Variants in PRB4 observed in about 807,000 individuals in gnomAD.
The protein encoded by PRB4 is proline rich protein BstNI subfamily 4.
A neutral mutation model predicts 9.1 loss-of-function variants in PRB4; 14 were observed. That is an observed-to-expected ratio of 1.54 (90% CI 1.02 to 2.41). The LOEUF is 2.41. PRB4 is among the 30% of genes most tolerant of loss of function. The pLI, the probability that PRB4 is intolerant of heterozygous loss-of-function variation, is 0.00. For missense variants in PRB4, 381 were observed against 299.3 expected (o/e 1.27, Z -2.02); for synonymous variants, 102 against 108.5 (o/e 0.94, Z 0.37).
At position 11,308,253 on chromosome 12, in the gene PRB4, G is replaced by C. The variant is rs759960528; in HGVS notation, c.730C>G (p.Gln244Glu). 4 of 1,610,694 alleles carry C rather than the reference G, an allele frequency of 2.5e-6. No homozygotes were observed. The highest frequency in any genetic ancestry group is 3.4e-6 in the Non-Finnish European group (4 of 1,178,638). Residue 244 changes from glutamine to glutamate, a missense_variant, in exon 3 of 4, where the codon CAG becomes GAG. Physicochemically the swap from Gln to Glu is conservative, Grantham distance 29. Around this residue, in one of 3 missense-constraint regions of PRB4, gnomAD observed 204 missense variants for 134.4 expected, o/e 1.52. Coordinates refer to ENST00000279575, the MANE Select transcript of PRB4 (RefSeq NM_002723.6). ...GRPPRPAQGQ[Q>E]PPQ ...TGAATCCTAGATTACTGGGGAGGCT[G>C]TTGTCCCTGGGCAGGTCTGGGTGGC... is the stretch of plus-strand genomic sequence containing the variant.
chr12:11,310,352 G>C lies in PRB4; in HGVS notation c.47C>G (p.Ala16Gly), dbSNP rs372470774. Reference sequence around the variant, plus strand: ...TGTTTTACCTTCACTTGAACTCTCAGCTGAGCTCAGGGCCAGCAGGGCCAC... The same window carrying C: ...TGTTTTACCTTCACTTGAACTCTCACCTGAGCTCAGGGCCAGCAGGGCCAC... The part of the protein sequence containing the change: ...LSVALLALSS[A>G]ESSSEDVSQE... The change falls in exon 1 of 4, where the codon GCT becomes GGT. Residue 16 changes from alanine (A) to glycine (G), a missense_variant. Ala to Gly is a moderately conservative substitution (Grantham distance 60). Coordinates refer to ENST00000279575, the MANE Select transcript of PRB4 (RefSeq NM_002723.6). The C allele has an allele frequency of 2.5e-6, 4 of 1,614,084 alleles. No individual in the cohort carries two copies. In the African/African-American group the frequency reaches 4.0e-5, roughly 16 times the overall value.
chr12:11,310,072 A>C (rs1436191893), intron 1 of PRB4, among the ~76,000 whole-genome samples: 1 of 152,200 alleles, frequency 6.6e-6, no homozygotes. Context: ...TCTCCACTGC[A>C]GCCTTCACAG....
At chr12:11,309,540 A>G in intron 1 of PRB4, 135 bp from the exon 2 acceptor site, 1 of 1,526,122 alleles carries the variant, frequency 6.6e-7, no homozygotes, top group African/African-American at 1.4e-5. Context: ...ACCATCTGTG[A>G]AGGTGCTGGA....
At position 11,307,136 on chromosome 12, in the gene PRB4, C is replaced by G. The variant is rs1007822646; in HGVS notation, c.*82G>C. Reference sequence around the variant, plus strand: ...AAGTTAGAGCTATGATGACCTTGTTCCAATGTCACGGCATTTGTAGCAATT... The same window carrying G: ...AAGTTAGAGCTATGATGACCTTGTTGCAATGTCACGGCATTTGTAGCAATT... On this transcript the variant is annotated 3_prime_UTR_variant, in exon 4 of 4. Transcript: ENST00000279575. 6.5e-6 allele frequency: 1 copy of G among 154,270 alleles called. No individual in the cohort carries two copies. Among genetic ancestry groups the G allele is most frequent in the Non-Finnish European group, 1.5e-5 (1 of 68,032 alleles). 9.6% of individuals were successfully genotyped at this position (154,270 alleles called of 1,614,324 possible).
At chr12:11,309,239 C>T (rs1862997480) in intron 2 of PRB4, 131 bp downstream of exon 2, 1 of 1,481,464 alleles carries the variant, frequency 6.8e-7, no homozygotes, top group Non-Finnish European at 9.3e-7. Context: ...TGAAGATTGC[C>T]TATATCATTA....
At chr12:11,307,555 A>G (rs1862942098) in intron 3 of PRB4, among the ~76,000 whole-genome samples, 1 of 152,236 alleles carries the variant, frequency 6.6e-6, no homozygotes, top group African/African-American at 2.4e-5. Flanking sequence ...GTATTTTTTA[A>G]ATGACTAACA....
At chr12:11,308,937 C>A (rs1402916077) in intron 2 of PRB4, 55 bp from the exon 3 acceptor site, 12 of 1,603,718 alleles carry the variant, frequency 7.5e-6, no homozygotes, top group Non-Finnish European at 1.0e-5. Flanking sequence ...CAAATTTTTA[C>A]AGTAATGGAG....
In PRB4 at chr12:11,310,432, G is replaced by A. The variant is rs1377064505; in HGVS notation, c.-34C>T. The A allele has an allele frequency of 1.2e-6, 2 of 1,613,868 alleles. No homozygotes were observed. The highest frequency in any genetic ancestry group is 2.2e-5 in the East Asian group (1 of 44,876). On this transcript the variant is annotated 5_prime_UTR_variant, in exon 1 of 4. Transcript: ENST00000279575. ...AGGCTCTGGAGTCACTCCCAACTCT[G>A]TGCTGGGAGGAACGTGGCAACTCCC...
At position 11,308,146 on chromosome 12, in the gene PRB4, G is replaced by A. The variant is rs1254967592; in HGVS notation, c.*18+75C>T. Reference sequence around the variant, plus strand: ...GACAATACAATGTCAATGGGTTTTAGTTGATTCATTGGCACAATAAAGTTG... The same window carrying A: ...GACAATACAATGTCAATGGGTTTTAATTGATTCATTGGCACAATAAAGTTG... On this transcript the variant is annotated intron_variant, in intron 3 of 3. Coordinates refer to ENST00000279575, the MANE Select transcript of PRB4 (RefSeq NM_002723.6). 6 of 1,495,934 alleles carry A rather than the reference G, an allele frequency of 4.0e-6. No individual in the cohort carries two copies. In the East Asian group the frequency reaches 1.1e-4, roughly 28 times the overall value. The allele number at this position is 1,495,934 out of a possible 1,614,324, so 92.7% of individuals were successfully genotyped here. A position where few individuals can be genotyped will look rare whatever the true frequency, so the allele number is the denominator to read the frequency against.
Position 11,308,241 on chromosome 12 carries a change from A to G in PRB4, c.742T>C (p.Ter248GlnextTer5), listed in dbSNP as rs760840223. The change falls in exon 3 of 4, where the codon TAA (stop) becomes CAA (glutamine). Residue 248 changes from the stop codon to glutamine, a stop_lost. Transcript: ENST00000279575. ...CATACCTGTCATTGAATCCTAGATT[A>G]CTGGGGAGGCTGTTGTCCCTGGGCA... ...RPAQGQQPPQ[*>Q] The G allele has an allele frequency of 3.1e-6, 5 of 1,610,418 alleles. No individual in the cohort carries two copies. The Admixed American group carries it at 8.4e-5, about 27-fold the overall frequency.
intron 2 of PRB4, 49 bp from the exon 3 acceptor site, chr12:11,308,931 T>G: frequency 6.2e-7 from 1 of 1,607,078 alleles, no homozygotes; most frequent in Non-Finnish European, 8.5e-7. Context: ...TTGCCACAAA[T>G]TTTTACAGTA....
intron 2 of PRB4, 103 bp downstream of exon 2, chr12:11,309,267 C>A: frequency 1.3e-6 from 2 of 1,582,348 alleles, no homozygotes; most frequent in South Asian, 1.1e-5. Flanking sequence ...TAACATTAAT[C>A]AATTCCTGAA....
At chr12:11,309,973 C>T (rs1863015532) in intron 1 of PRB4, among the ~76,000 whole-genome samples, 2 of 152,146 alleles carry the variant, frequency 1.3e-5, no homozygotes, top group Non-Finnish European at 1.5e-5. Flanking sequence ...TGCCGACTGT[C>T]TGTACAGCAA....
intron 2 of PRB4, 117 bp downstream of exon 2, chr12:11,309,253 G>T: frequency 6.5e-7 from 1 of 1,540,274 alleles, no homozygotes; most frequent in South Asian, 1.1e-5. Flanking sequence ...ATCATTAGGG[G>T]CAATAACATT....
At chr12:11,310,041 T>G (rs1863017022) in intron 1 of PRB4, among the ~76,000 whole-genome samples, 1 of 152,212 alleles carries the variant, frequency 6.6e-6, no homozygotes, top group Non-Finnish European at 1.5e-5. Flanking sequence ...ACAGCTGGAC[T>G]TCCCTGAATC....
At chr12:11,309,508 C>T in intron 1 of PRB4, 103 bp from the exon 2 acceptor site, 1 of 1,602,474 alleles carries the variant, frequency 6.2e-7, no homozygotes. Context: ...CCCCATGCAT[C>T]CCCTAGGTTA....
Position 11,310,334 on chromosome 12 carries a change from C to A in PRB4, c.64+1G>T, listed in dbSNP as rs144775849. 4 of 1,614,218 alleles carry A rather than the reference C, an allele frequency of 2.5e-6. No individual in the cohort carries two copies. Among genetic ancestry groups the A allele is most frequent in the Middle Eastern group, 1.6e-4 (1 of 6,062 alleles). ...CGCATCTTTTCCCCCTTCTGTTTTACCTTCACTTGAACTCTCAGCTGAGCT... is the reference window on the plus strand; with the variant it reads ...CGCATCTTTTCCCCCTTCTGTTTTAACTTCACTTGAACTCTCAGCTGAGCT... On this transcript the variant is annotated splice_donor_variant, in intron 1 of 3. Coordinates refer to ENST00000279575, the MANE Select transcript of PRB4 (RefSeq NM_002723.6). LOFTEE classifies it high-confidence loss of function.
Position 11,308,281 on chromosome 12 carries a change from G to A in PRB4, c.702C>T (p.Gly234=). 1 of 1,608,684 alleles carries A rather than the reference G, an allele frequency of 6.2e-7. No individual in the cohort carries two copies. The highest frequency in any genetic ancestry group is 8.5e-7 in the Non-Finnish European group (1 of 1,177,680). ...PQGPPPPPQG[G]RPPRPAQGQQ... ...GTCCCTGGGCAGGTCTGGGTGGCCT[G>A]CCCCCTTGAGGAGGTGGAGGTGGCC... Residue 234 remains glycine (G), a synonymous_variant, in exon 3 of 4, where the codon GGC becomes GGT. Transcript: ENST00000279575.
rs142363444 is a variant in PRB4 at position 11,308,465 on chromosome 12, G to T, written c.518C>A (p.Ser173Tyr). Residue 173 changes from serine (S) to tyrosine (Y), a missense_variant, in exon 3 of 4, where the codon TCC (serine) becomes TAC (tyrosine). Physicochemically the swap from Ser to Tyr is moderately radical, Grantham distance 144. This residue lies in a region of PRB4 where 204 missense variants were observed against 134.4 expected (regional missense o/e 1.52). Coordinates refer to ENST00000279575, the MANE Select transcript of PRB4 (RefSeq NM_002723.6). ...EGPPPQEGNKSRSARSPPGKP... is the reference protein window; with the variant it reads ...EGPPPQEGNKYRSARSPPGKP... ...TCCTGGAGGAGATCGGGCACTTCGG[G>T]ACTTGTTTCCTTCCTGTGGGGGTGG... 3 of 1,613,392 alleles carry T rather than the reference G, an allele frequency of 1.9e-6. No homozygotes were observed. The Admixed American group carries it at 5.0e-5, about 27-fold the overall frequency.
Sources: gnomAD v4.1 joint callset for allele counts (sites outside exome capture counted in the v4.1 genomes callset) on GRCh38, gnomAD v4.1.1 for gene constraint, gnomAD v4.1.1 regional missense constraint, MANE v1.5 for transcripts, NCBI Gene and HGNC (gene_info 2026-07-23, HGNC 2026-07-21) for gene names.